Variants in CYP3A4 observed in about 807,000 individuals in gnomAD.
CYP3A4 encodes the protein cytochrome P450 family 3 subfamily A member 4.
Under a neutral mutation model 54.9 loss-of-function variants are expected in CYP3A4, and 41 were observed. That is an observed-to-expected ratio of 0.75 (90% CI 0.58 to 0.97). The LOEUF (loss-of-function observed/expected upper bound fraction) is 0.97, where lower values mean the gene tolerates loss of function less well. Among genes scored for constraint, CYP3A4 ranks in the 50% least tolerant of loss-of-function variants. CYP3A4 has a pLI of 0.00. For missense variants in CYP3A4, 510 were observed against 597.3 expected (o/e 0.85, Z 1.52); for synonymous variants, 179 against 205.2 (o/e 0.87, Z 1.09).
chr7:99,763,418 T>C (rs973826357), intron 10 of CYP3A4, among the ~76,000 whole-genome samples: 3 of 152,016 alleles, frequency 2.0e-5, no homozygotes, highest in Admixed American at 2.0e-4. Context: ...CACATGTCTG[T>C]AACCAAGAAA....
intron 4 of CYP3A4, among the ~76,000 whole-genome samples, chr7:99,772,082 T>C (rs976390706): frequency 7.9e-5 from 12 of 152,162 alleles, no homozygotes; most frequent in Admixed American, 5.9e-4. Context: ...TATTAATACA[T>C]TGATCACCTC....
At chr7:99,765,011 A>C (rs1427538459) in intron 9 of CYP3A4, among the ~76,000 whole-genome samples, 1 of 152,200 alleles carries the variant, frequency 6.6e-6, no homozygotes, top group Non-Finnish European at 1.5e-5. Context: ...ATTCACAACC[A>C]AAACCAATAT....
chr7:99,767,356 T>A, intron 7 of CYP3A4, 98 bp from the exon 8 acceptor site: 2 of 1,095,156 alleles, frequency 1.8e-6, no homozygotes, highest in Non-Finnish European at 1.3e-6. Flanking sequence ...ACCAGAAGAG[T>A]AAAAGACATC....
rs1198446230 is a variant in CYP3A4 at position 99,776,429 on chromosome 7, T to C, written c.218+1599A>G. Among the ~76,000 whole-genome samples the C allele has an allele frequency of 3.3e-5, 5 of 152,236 alleles. No individual in the cohort carries two copies. In the East Asian group the frequency reaches 9.6e-4, roughly 29 times the overall value. The stretch of plus-strand genomic sequence containing the variant: ...CAGAACTATTCACAATACCAAAGAC[T>C]TGGAACCAACCCAAATGTCCATCAG... On this transcript the variant is annotated intron_variant, in intron 3 of 12. Coordinates refer to ENST00000651514, the MANE Select transcript of CYP3A4 (RefSeq NM_017460.6).
chr7:99,774,001 T>C (rs775833679), intron 3 of CYP3A4, among the ~76,000 whole-genome samples: 2 of 151,970 alleles, frequency 1.3e-5, no homozygotes, highest in Non-Finnish European at 2.9e-5. Flanking sequence ...TAAATAATGA[T>C]AAAAAGGATA....
chr7:99,770,985 G>A (rs2151560909), intron 4 of CYP3A4, among the ~76,000 whole-genome samples: 1 of 152,012 alleles, frequency 6.6e-6, no homozygotes, highest in Middle Eastern at 3.4e-3. Flanking sequence ...TTGATAAAGA[G>A]AATCTACAAA....
Position 99,760,860 on chromosome 7 carries a change from C to G in CYP3A4, c.1375G>C (p.Val459Leu), listed in dbSNP as rs1386756324. The G allele has an allele frequency of 3.1e-6, 5 of 1,613,998 alleles. No homozygotes were observed. The South Asian group carries it at 5.5e-5, about 18-fold the overall frequency. ...LMNMKLALIR[V>L]LQNFSFKPCK... ...GGTTTGAAGGAGAAGTTCTGAAGGA[C>G]TCTGATTAGAGCAAGTTTCATGTTC... is the stretch of plus-strand genomic sequence containing the variant. Residue 459 changes from valine to leucine, a missense_variant, in exon 12 of 13, where the codon GTC becomes CTC. Around this residue, in one of 2 missense-constraint regions of CYP3A4, gnomAD observed 238 missense variants for 322.5 expected, o/e 0.74. Coordinates refer to ENST00000651514, the MANE Select transcript of CYP3A4 (RefSeq NM_017460.6).
At chr7:99,779,942 C>A (rs759645651) in intron 2 of CYP3A4, 50 bp downstream of exon 2, 1 of 1,541,444 alleles carries the variant, frequency 6.5e-7, no homozygotes, top group South Asian at 1.1e-5. Flanking sequence ...TGGAACTAAG[C>A]TGCTCTTGGC....
chr7:99,777,665 A>T (rs2151565323), intron 3 of CYP3A4, among the ~76,000 whole-genome samples: 1 of 152,298 alleles, frequency 6.6e-6, no homozygotes, highest in African/African-American at 2.4e-5. Flanking sequence ...TATTTCTGCA[A>T]GGACACCTGC....
intron 10 of CYP3A4, among the ~76,000 whole-genome samples, chr7:99,762,941 C>T (rs1375029337): frequency 6.6e-6 from 1 of 152,208 alleles, no homozygotes; most frequent in African/African-American, 2.4e-5. Context: ...CACAAAGAAT[C>T]CCAATTTTGG....
intron 9 of CYP3A4, among the ~76,000 whole-genome samples, chr7:99,765,193 TG>T (rs1342851233): frequency 1.3e-5 from 2 of 152,194 alleles, no homozygotes; most frequent in Non-Finnish European, 1.5e-5. Context: ...CTGTCCAATA[TG>T]GTAGCCACTA....
At position 99,784,074 on chromosome 7, in the gene CYP3A4, A is replaced by G. The variant is rs1433650597; in HGVS notation, c.8T>C (p.Leu3Pro). 4.8e-5 allele frequency: 77 copies of G among 1,613,760 alleles called. No homozygotes were observed. The highest frequency in any genetic ancestry group is 6.2e-5 in the Non-Finnish European group (73 of 1,179,766). Residue 3 changes from leucine (L) to proline (P), a missense_variant, in exon 1 of 13, where the codon CTC (leucine) becomes CCC (proline). Physicochemically the swap from Leu to Pro is moderately conservative, Grantham distance 98. Transcript: ENST00000651514. ...GGTTTCCATGGCCAAGTCTGGGATG[A>G]GAGCCATCACTACTTTCCTTACTTA... MA[L>P]IPDLAMETWL...
chr7:99,781,567 T>C (rs568731249), intron 1 of CYP3A4, among the ~76,000 whole-genome samples: 34 of 152,296 alleles, frequency 2.2e-4, no homozygotes, highest in African/African-American at 8.2e-4. Context: ...AGTCTGATGT[T>C]ACTGAGGGTT....
chr7:99,767,080 A>T (rs778205180), intron 8 of CYP3A4, 51 bp downstream of exon 8: 2 of 1,566,646 alleles, frequency 1.3e-6, no homozygotes, highest in Non-Finnish European at 1.7e-6. Context: ...TATATTATCT[A>T]AAAAATTATG....
intron 2 of CYP3A4, among the ~76,000 whole-genome samples, chr7:99,778,926 T>C: frequency 6.6e-6 from 1 of 152,124 alleles, no homozygotes; most frequent in East Asian, 1.9e-4. Flanking sequence ...TGGATAGTAA[T>C]TAGACAACAA....
chr7:99,770,409 G>C (rs1240599337), intron 4 of CYP3A4, among the ~76,000 whole-genome samples, 174 bp from the exon 5 acceptor site: 1 of 151,248 alleles, frequency 6.6e-6, no homozygotes, highest in Non-Finnish European at 1.5e-5. Context: ...CCAGTGTCCT[G>C]GGATGTATTT....
intron 1 of CYP3A4, among the ~76,000 whole-genome samples, chr7:99,781,035 T>C (rs1367379037): frequency 2.0e-5 from 3 of 152,308 alleles, no homozygotes; most frequent in Non-Finnish European, 2.9e-5. Context: ...TGGTAGGAGA[T>C]GATTGGATCC....
At chr7:99,783,883 A>T in intron 1 of CYP3A4, 128 bp downstream of exon 1, 1 of 1,070,190 alleles carries the variant, frequency 9.3e-7, no homozygotes, top group Non-Finnish European at 1.4e-6. Flanking sequence ...TGCTGGGATT[A>T]CAGGTGTAAG....
At chr7:99,780,170 A>T (rs1815882811) in intron 1 of CYP3A4, 85 bp from the exon 2 acceptor site, 1 of 1,357,406 alleles carries the variant, frequency 7.4e-7, no homozygotes. Context: ...AGGAACTGGA[A>T]TGCTCAAGAG....
Sources: gnomAD v4.1 joint callset for allele counts (sites outside exome capture counted in the v4.1 genomes callset) on GRCh38, gnomAD v4.1.1 for gene constraint, gnomAD v4.1.1 regional missense constraint, MANE v1.5 for transcripts, NCBI Gene and HGNC (gene_info 2026-07-23, HGNC 2026-07-21) for gene names.